HNRNPM: variants seen among roughly 807,000 people sequenced by gnomAD.
HNRNPM encodes heterogeneous nuclear ribonucleoprotein M.
In HNRNPM, 11 loss-of-function variants were observed where a neutral mutation model predicts 73.1. The ratio of observed to expected loss-of-function variants is 0.15; its 90% CI spans 0.09 to 0.25. HNRNPM has a LOEUF of 0.25. Among genes scored for constraint, HNRNPM ranks in the 10% least tolerant of loss-of-function variants. The pLI, the probability that HNRNPM is intolerant of heterozygous loss-of-function variation, is 1.00. For synonymous variants in HNRNPM, 407 were observed against 355.2 expected (o/e 1.15, Z -1.64); for missense variants, 789 against 1,067.9 (o/e 0.74, Z 3.64).
Position 8,486,201 on chromosome 19 carries a change from C to A in HNRNPM, c.1773C>A (p.Arg591=), listed in dbSNP as rs1355506232. ...GCATGGGTGCCAACAGCCTCGAGCGCATGGGCCCTGCCATGGGCCCGGCCC... is the reference window on the plus strand; with the variant it reads ...GCATGGGTGCCAACAGCCTCGAGCGAATGGGCCCTGCCATGGGCCCGGCCC... The part of the protein sequence containing the change: ...LERMGANSLE[R]MGPAMGPALG... The change falls in exon 14 of 16, where the codon CGC becomes CGA. Residue 591 remains arginine (R), a synonymous_variant. Transcript: ENST00000325495. The A allele has an allele frequency of 1.9e-6, 3 of 1,579,244 alleles. No individual in the cohort carries two copies. Among genetic ancestry groups the A allele is most frequent in the Middle Eastern group, 1.7e-4 (1 of 5,986 alleles).
At position 8,488,789 on chromosome 19, in the gene HNRNPM, C is replaced by T; in HGVS notation, c.2128C>T (p.Arg710Trp). The T allele has an allele frequency of 1.2e-6, 2 of 1,614,012 alleles. No homozygotes were observed. Among genetic ancestry groups the T allele is most frequent in the Non-Finnish European group, 1.7e-6 (2 of 1,179,968 alleles). Reference protein sequence around the residue: ...ESPEVAERACRMMNGMKLSGR... With the variant: ...ESPEVAERACWMMNGMKLSGR... The stretch of plus-strand genomic sequence containing the variant: ...GCCAGAGGTGGCCGAGAGAGCCTGC[C>T]GGATGATGAATGGCATGAAGCTGAG... The change falls in exon 16 of 16, where the codon CGG (arginine) becomes TGG (tryptophan). Residue 710 changes from arginine (R) to tryptophan (W), a missense_variant. Physicochemically the swap from Arg to Trp is moderately radical, Grantham distance 101. Around this residue, in one of 4 missense-constraint regions of HNRNPM, gnomAD observed 43 missense variants for 105.8 expected, o/e 0.41. Coordinates refer to ENST00000325495, the MANE Select transcript of HNRNPM (RefSeq NM_005968.5).
At chr19:8,458,253 C>T (rs560550058) in intron 2 of HNRNPM, among the ~76,000 whole-genome samples, 1 of 152,130 alleles carries the variant, frequency 6.6e-6, no homozygotes, top group Non-Finnish European at 1.5e-5. Flanking sequence ...CTAGCATTTC[C>T]TATTAAAAAT....
intron 12 of HNRNPM, among the ~76,000 whole-genome samples, chr19:8,474,524 C>G (rs2038575037): frequency 6.6e-6 from 1 of 152,128 alleles, no homozygotes. Context: ...TGGTTATGGT[C>G]TCCGAGTATG....
chr19:8,484,415 C>T (rs1019417433), intron 13 of HNRNPM, among the ~76,000 whole-genome samples: 6 of 152,110 alleles, frequency 3.9e-5, no homozygotes, highest in Non-Finnish European at 8.8e-5. Context: ...GACCTTGTTC[C>T]GCCCGCCTTG....
At chr19:8,471,016 G>A (rs1325964590) in intron 9 of HNRNPM, among the ~76,000 whole-genome samples, 1 of 152,078 alleles carries the variant, frequency 6.6e-6, no homozygotes, top group Non-Finnish European at 1.5e-5. Context: ...CACCTTTTTT[G>A]ATCAGACAGT....
intron 1 of HNRNPM, among the ~76,000 whole-genome samples, chr19:8,449,736 C>T (rs1968474843): frequency 9.0e-5 from 1 of 11,136 alleles, no homozygotes; most frequent in African/African-American, 1.0e-4. Flanking sequence ...GGGGTTTCAC[C>T]GTTTTAGCCG....
At chr19:8,468,042 G>GA (rs199878878) in intron 8 of HNRNPM, among the ~76,000 whole-genome samples, 1,710 of 151,118 alleles carry the variant, frequency 0.011, 37 homozygotes, top group African/African-American at 0.038. Context: ...AAAAAAAGAA[G>GA]AAAAAAAAAC....
At chr19:8,483,778 C>T (rs1348479765) in intron 13 of HNRNPM, among the ~76,000 whole-genome samples, 2 of 152,164 alleles carry the variant, frequency 1.3e-5, no homozygotes. Flanking sequence ...ACTTTTTGAG[C>T]ATTTTTGGAG....
chr19:8,467,745 G>C (rs1227611783), intron 8 of HNRNPM, among the ~76,000 whole-genome samples, 161 bp downstream of exon 8: 3 of 152,190 alleles, frequency 2.0e-5, no homozygotes, highest in Admixed American at 2.0e-4. Context: ...ACATTTTGCT[G>C]GTCAGGCGTG....
At chr19:8,469,260 G>C (rs541455746) in intron 9 of HNRNPM, among the ~76,000 whole-genome samples, 4 of 152,310 alleles carry the variant, frequency 2.6e-5, no homozygotes, top group South Asian at 2.1e-4. Flanking sequence ...CAGTGTGGAT[G>C]AACCTCGATT....
At chr19:8,473,550 C>T (rs942239430) in intron 10 of HNRNPM, 114 bp from the exon 11 acceptor site, 2 of 693,588 alleles carry the variant, frequency 2.9e-6, no homozygotes, top group African/African-American at 1.9e-5. Context: ...ATATACTTGT[C>T]ATCAGGGATT....
chr19:8,483,193 A>G lies in HNRNPM; in HGVS notation c.1156A>G (p.Ile386Val). ...LSNALKRGEI[I>V]AKQGGGGGGG... is the part of the protein sequence containing the mutation. ...TAATGCACTGAAGAGAGGAGAGATCATTGCAAAGCAGGGAGGAGGTAGGAA... is the reference window on the plus strand; with the variant it reads ...TAATGCACTGAAGAGAGGAGAGATCGTTGCAAAGCAGGGAGGAGGTAGGAA... The change falls in exon 13 of 16, where the codon ATT becomes GTT. Residue 386 changes from isoleucine (I) to valine (V), a missense_variant. Physicochemically the swap from Ile to Val is conservative, Grantham distance 29 (BLOSUM62 3). Coordinates refer to ENST00000325495, the MANE Select transcript of HNRNPM (RefSeq NM_005968.5). 6.2e-7 allele frequency: 1 copy of G among 1,612,838 alleles called. No homozygotes were observed. The highest frequency in any genetic ancestry group is 8.5e-7 in the Non-Finnish European group (1 of 1,179,236).
chr19:8,471,124 T>C (rs1970098348), intron 9 of HNRNPM, among the ~76,000 whole-genome samples: 1 of 149,796 alleles, frequency 6.7e-6, no homozygotes, highest in South Asian at 2.1e-4. Flanking sequence ...CTTTGTTGTA[T>C]ACACACATAT....
At chr19:8,445,179 C>T (rs1294533323) in intron 1 of HNRNPM, 68 bp downstream of exon 1, 1 of 1,285,130 alleles carries the variant, frequency 7.8e-7, no homozygotes, top group Non-Finnish European at 1.0e-6. Flanking sequence ...GCGGCGGCTC[C>T]GTTAGGTCTG....
chr19:8,445,178 C>G, intron 1 of HNRNPM, 67 bp downstream of exon 1: 31 of 1,285,108 alleles, frequency 2.4e-5, no homozygotes, highest in Non-Finnish European at 3.0e-5. Flanking sequence ...GGCGGCGGCT[C>G]CGTTAGGTCT....
At position 8,445,118 on chromosome 19, in the gene HNRNPM, A is replaced by AT; in HGVS notation, c.113+8dup. 7.1e-7 allele frequency: 1 copy of AT among 1,399,282 alleles called. No individual in the cohort carries two copies. The highest frequency in any genetic ancestry group is 1.6e-5 in the South Asian group (1 of 62,116). 86.7% of individuals were successfully genotyped at this position (1,399,282 alleles called of 1,614,324 possible). ...GGGCTCCGGGCCCTAAGGGGTGAGT[A>AT]TCCCACGGTCCTTTGCCACGGGTAA... On this transcript the variant is annotated splice_region_variant and intron_variant, in intron 1 of 15. Transcript: ENST00000325495.
intron 12 of HNRNPM, among the ~76,000 whole-genome samples, chr19:8,474,539 A>G (rs1365781846): frequency 1.3e-5 from 2 of 152,046 alleles, no homozygotes; most frequent in Admixed American, 6.6e-5. Flanking sequence ...AGTATGAGGG[A>G]TTCTTTAAAG....
At chr19:8,479,837 C>T (rs1242197796) in intron 12 of HNRNPM, among the ~76,000 whole-genome samples, 3 of 140,648 alleles carry the variant, frequency 2.1e-5, no homozygotes, top group Non-Finnish European at 4.5e-5. Context: ...TGCAGTGGCA[C>T]AATCTTGGCT....
In HNRNPM at chr19:8,471,249, A is replaced by G. The variant is rs555631521; in HGVS notation, c.896-77A>G. 8.8e-5 allele frequency: 77 copies of G among 871,832 alleles called. No homozygotes were observed. The African/African-American group carries it at 8.9e-4, about 10-fold the overall frequency. 54.0% of individuals were successfully genotyped at this position (871,832 alleles called of 1,614,324 possible). A position where few individuals can be genotyped will look rare whatever the true frequency, so the allele number is the denominator to read the frequency against. The stretch of plus-strand genomic sequence containing the variant: ...AGGCTGAAGTGGATAGCTGCAACTC[A>G]CTAAACACTCTTTTCCTTTGAGGGT... On this transcript the variant is annotated intron_variant, in intron 9 of 15. Transcript: ENST00000325495.
Sources: allele counts gnomAD v4.1 joint callset (sites outside exome capture counted in the v4.1 genomes callset), GRCh38; gene constraint gnomAD v4.1.1; regional missense constraint gnomAD v4.1.1; transcripts MANE v1.5; gene names NCBI Gene and HGNC (gene_info 2026-07-23, HGNC 2026-07-21).